The following ZNF43 variants were observed in gnomAD, a reference collection of about 807,000 sequenced individuals.
ZNF43 encodes zinc finger protein 39-like 1 (KOX 27).
ZNF43 carries 44 observed loss-of-function variants against 68.4 expected under a neutral mutation model. The observed-to-expected ratio is 0.64, with a 90% confidence interval of 0.51 to 0.83. The LOEUF is 0.83. Ranked by LOEUF, ZNF43 falls within the 40% of genes least tolerant of loss-of-function variation. The pLI, the probability that ZNF43 is intolerant of heterozygous loss-of-function variation, is 0.00. For synonymous variants in ZNF43, 308 were observed against 307.8 expected (o/e 1.00, Z -0.01); for missense variants, 896 against 933.2 (o/e 0.96, Z 0.52).
At chr19:21,844,939 T>C in intron 1 of ZNF43, among the ~76,000 whole-genome samples, 1 of 129,150 alleles carries the variant, frequency 7.7e-6, no homozygotes, top group South Asian at 2.4e-4. Context: ...TATATATATA[T>C]ATATATATGT....
intron 3 of ZNF43, among the ~76,000 whole-genome samples, chr19:21,814,828 T>C (rs2037441889): frequency 6.6e-6 from 1 of 152,022 alleles, no homozygotes; most frequent in Admixed American, 6.6e-5. Flanking sequence ...TTAAGAAACC[T>C]ACACTGAAGA....
intron 1 of ZNF43, among the ~76,000 whole-genome samples, chr19:21,829,763 G>C (rs748215331): frequency 6.6e-6 from 1 of 152,096 alleles, no homozygotes; most frequent in Non-Finnish European, 1.5e-5. Flanking sequence ...CCAGGTCTCT[G>C]GACATATTGA....
rs2038722106 is a variant in ZNF43 at position 21,836,152 on chromosome 19, G to A, written c.-114C>T. On this transcript the variant is annotated 5_prime_UTR_variant, in exon 1 of 4. Transcript: ENST00000354959. Reference sequence around the variant, plus strand: ...GCAGAGGACACAGAAGAACGAAGACGAGACGCAGAGCTCCAACTGCAGCCA... The same window carrying A: ...GCAGAGGACACAGAAGAACGAAGACAAGACGCAGAGCTCCAACTGCAGCCA... 4 of 1,578,084 alleles carry A rather than the reference G, an allele frequency of 2.5e-6. No homozygotes were observed. Among genetic ancestry groups the A allele is most frequent in the South Asian group, 1.2e-5 (1 of 86,514 alleles).
chr19:21,837,961 A>C, upstream of ZNF43: 1 of 152,200 alleles, frequency 6.6e-6, no homozygotes, highest in Non-Finnish European at 1.5e-5. Flanking sequence ...ATAAGAGATA[A>C]AAGTCTGGAT....
At position 21,807,633 on chromosome 19, in the gene ZNF43, G is replaced by T. The variant is rs763005348; in HGVS notation, c.2404C>A (p.Pro802Thr). 6.4e-7 allele frequency: 1 copy of T among 1,554,596 alleles called. No homozygotes were observed. The highest frequency in any genetic ancestry group is 8.7e-7 in the Non-Finnish European group (1 of 1,154,036). The change falls in exon 4 of 4, where the codon CCT becomes ACT. Residue 802 changes from proline to threonine, a missense_variant. Transcript: ENST00000354959. ...PEDVTVILTT[P>T]QTFSNIK ...TATTTTATGTTTGAAAAAGTTTGAG[G>T]TGTTGTCAAAATCACTGTCACATCT...
rs2036974421 is a variant in ZNF43 at position 21,807,082 on chromosome 19, T to C, written c.*525A>G. 1 of 152,270 alleles carries C rather than the reference T, an allele frequency of 6.6e-6. No homozygotes were observed. The highest frequency in any genetic ancestry group is 2.1e-4 in the South Asian group (1 of 4,826). 9.4% of individuals were successfully genotyped at this position (152,270 alleles called of 1,614,324 possible). A position where few individuals can be genotyped will look rare whatever the true frequency, so the allele number is the denominator to read the frequency against. ...CCTCATGTTTTATAAGCTGTAGTTT[T>C]TCAAAACTGTTTTTACAAATTTATT... On this transcript the variant is annotated 3_prime_UTR_variant, in exon 4 of 4. Coordinates refer to ENST00000354959, the MANE Select transcript of ZNF43 (RefSeq NM_003423.4).
intron 1 of ZNF43, among the ~76,000 whole-genome samples, chr19:21,824,818 C>T (rs1195919153): frequency 1.3e-5 from 2 of 151,294 alleles, no homozygotes; most frequent in Non-Finnish European, 2.9e-5. Context: ...TTGGGCCAAG[C>T]TTGAGGATTA....
Position 21,809,391 on chromosome 19 carries a change from T to C in ZNF43, c.646A>G (p.Ile216Val), listed in dbSNP as rs1250680121. 18 of 1,613,534 alleles carry C rather than the reference T, an allele frequency of 1.1e-5. No homozygotes were observed. The Admixed American group carries it at 1.5e-4, about 13-fold the overall frequency. ...TTAATTCTCTTATGTTTAGTGATGA[T>C]TGAAGGGCAGTTAAAAGCTTTTCCA... is the stretch of plus-strand genomic sequence containing the variant. ...KCGKAFNCPS[I>V]ITKHKRINTG... Residue 216 changes from isoleucine to valine, a missense_variant, in exon 4 of 4, where the codon ATC (isoleucine) becomes GTC (valine). Ile to Val is a conservative substitution (Grantham distance 29). Transcript: ENST00000354959.
intron 1 of ZNF43, among the ~76,000 whole-genome samples, chr19:21,827,730 C>T (rs111446979): frequency 0.096 from 12,841 of 133,340 alleles, 615 homozygotes; most frequent in Middle Eastern, 0.23. Context: ...GGCACAATCT[C>T]GGCTCACTGC....
rs1472065049 is a variant in ZNF43, at chr19:21,807,060, C to T, written c.*547G>A. On this transcript the variant is annotated 3_prime_UTR_variant, in exon 4 of 4. Coordinates refer to ENST00000354959, the MANE Select transcript of ZNF43 (RefSeq NM_003423.4). Reference sequence around the variant, plus strand: ...CTATCAACCAAGCATTATAGACCCTCATGTTTTATAAGCTGTAGTTTTTCA... The same window carrying T: ...CTATCAACCAAGCATTATAGACCCTTATGTTTTATAAGCTGTAGTTTTTCA... 1 of 152,104 alleles carries T rather than the reference C, an allele frequency of 6.6e-6. No individual in the cohort carries two copies. The highest frequency in any genetic ancestry group is 1.5e-5 in the Non-Finnish European group (1 of 68,034). 9.4% of individuals were successfully genotyped at this position (152,104 alleles called of 1,614,324 possible).
upstream of ZNF43, chr19:21,841,119 T>C (rs962055756): frequency 6.6e-6 from 1 of 152,242 alleles, no homozygotes; most frequent in African/African-American, 2.4e-5. Flanking sequence ...AAAGACTTTA[T>C]ACAAAATGTG....
intron 3 of ZNF43, among the ~76,000 whole-genome samples, chr19:21,810,278 T>C (rs1020765635): frequency 7.9e-5 from 12 of 152,194 alleles, no homozygotes; most frequent in African/African-American, 2.9e-4. Context: ...CTTACTGTTA[T>C]GGTAGAAGGC....
At position 21,817,996 on chromosome 19, in the gene ZNF43, T is replaced by C. The variant is rs760784902; in HGVS notation, c.131-10A>G. The C allele has an allele frequency of 1.9e-6, 3 of 1,607,446 alleles. No individual in the cohort carries two copies. The South Asian group carries it at 3.3e-5, about 18-fold the overall frequency. ...TTAGAGACAGCAATACCTGTTTCAA[T>C]AAAAAATAAATTACGTGAATCTTGC... On this transcript the variant is annotated splice_polypyrimidine_tract_variant and intron_variant, in intron 2 of 3. Coordinates refer to ENST00000354959, the MANE Select transcript of ZNF43 (RefSeq NM_003423.4).
rs776352736 is a variant in ZNF43, at chr19:21,836,044, G to C, written c.-6C>G. ...CGGACCGGCACTCTCACCATTTCTA[G>C]GCTTCCGGGGGGTCCTGGCGTCTTA... is the stretch of plus-strand genomic sequence containing the variant. On this transcript the variant is annotated 5_prime_UTR_variant, in exon 1 of 4. Coordinates refer to ENST00000354959, the MANE Select transcript of ZNF43 (RefSeq NM_003423.4). The C allele has an allele frequency of 6.2e-7, 1 of 1,614,012 alleles. No individual in the cohort carries two copies. Among genetic ancestry groups the C allele is most frequent in the East Asian group, 2.2e-5 (1 of 44,880 alleles).
intron 3 of ZNF43, among the ~76,000 whole-genome samples, chr19:21,817,336 T>C (rs2037577207): frequency 6.6e-6 from 1 of 151,878 alleles, no homozygotes; most frequent in African/African-American, 2.4e-5. Context: ...TTCTAAAATA[T>C]ACATGAAACT....
Position 21,828,065 on chromosome 19 carries a change from T to C in ZNF43, c.3+7971A>G, listed in dbSNP as rs544877164. ...TAAATGAAAGACACTAAAATTAAGC[T>C]TCCCTGTAATTATCCATATTGGATA... On this transcript the variant is annotated intron_variant, in intron 1 of 3. Transcript: ENST00000354959. Among the ~76,000 whole-genome samples the C allele has an allele frequency of 8.5e-5, 13 of 152,306 alleles. No individual in the cohort carries two copies. The East Asian group carries it at 2.3e-3, about 27-fold the overall frequency.
rs1028156851 is a variant in ZNF43 at position 21,812,939 on chromosome 19, A to T, written c.230-3132T>A. ...CAGAGTGTGACTCCATCTCAAAAAA[A>T]AATAATAATAAAAAATTACAAATTA... On this transcript the variant is annotated intron_variant, in intron 3 of 3. Coordinates refer to ENST00000354959, the MANE Select transcript of ZNF43 (RefSeq NM_003423.4). Among the ~76,000 whole-genome samples the T allele has an allele frequency of 1.3e-3, 198 of 151,834 alleles. 1 individual carries two copies. The highest frequency in any genetic ancestry group is 4.0e-3 in the African/African-American group (164 of 41,406).
chr19:21,827,731 G>A lies in ZNF43; in HGVS notation c.3+8305C>T, dbSNP rs1022821879. Among the ~76,000 whole-genome samples, 22 of 144,498 alleles carry A rather than the reference G, an allele frequency of 1.5e-4. No individual in the cohort carries two copies. The South Asian group carries it at 1.5e-3, about 10-fold the overall frequency. 94.8% of individuals were successfully genotyped at this position (144,498 alleles called of 152,430 possible). ...GGCTGGAGTGCAATGGCACAATCTCGGCTCACTGCAACCTCCGCCTCCCAG... is the reference window on the plus strand; with the variant it reads ...GGCTGGAGTGCAATGGCACAATCTCAGCTCACTGCAACCTCCGCCTCCCAG... On this transcript the variant is annotated intron_variant, in intron 1 of 3. Coordinates refer to ENST00000354959, the MANE Select transcript of ZNF43 (RefSeq NM_003423.4).
chr19:21,822,739 A>G (rs1224102842), intron 1 of ZNF43, among the ~76,000 whole-genome samples: 1 of 151,954 alleles, frequency 6.6e-6, no homozygotes, highest in Non-Finnish European at 1.5e-5. Flanking sequence ...CAGGAGGCGG[A>G]GCTTACAGTG....
Sources: gnomAD v4.1 joint callset for allele counts (sites outside exome capture counted in the v4.1 genomes callset) on GRCh38, gnomAD v4.1.1 for gene constraint, MANE v1.5 for transcripts, NCBI Gene and HGNC (gene_info 2026-07-23, HGNC 2026-07-21) for gene names.